MACF1: variants seen among roughly 807,000 people sequenced by gnomAD.
MACF1 encodes the protein microtubule-actin cross-linking factor 1.
Under a neutral mutation model 854.8 loss-of-function variants are expected in MACF1, and 193 were observed. That is an observed-to-expected ratio of 0.23 (90% CI 0.20 to 0.25). The LOEUF (loss-of-function observed/expected upper bound fraction) is 0.25. Among genes scored for constraint, MACF1 ranks in the 10% least tolerant of loss-of-function variants. The pLI is 1.00. For synonymous variants in MACF1, 3,185 were observed against 3,226.7 expected (o/e 0.99, Z 0.44); for missense variants, 7,722 against 8,929.1 (o/e 0.86, Z 5.45).
rs1299638965 is a variant in MACF1, at chr1:39,336,077, C to T, written c.9489C>T (p.Ser3163=). The T allele has an allele frequency of 1.1e-5, 17 of 1,613,870 alleles. No individual in the cohort carries two copies. The highest frequency in any genetic ancestry group is 1.4e-5 in the Non-Finnish European group (16 of 1,180,018). ...CTAAGGAAACCAAACATCAAATTTC[C>T]TCATCTAATGAATGTAAAGAAAAGT... The part of the protein sequence containing the change: ...SKTKETKHQI[S]SSNECKEKSY... Residue 3163 remains serine (S), a synonymous_variant, in exon 37 of 101, where the codon TCC becomes TCT. Transcript: ENST00000564288.
chr1:39,102,457 T>TTCCCCTGGGGAAAC (rs1642117713), intron 2 of MACF1, among the ~76,000 whole-genome samples: 1 of 151,442 alleles, frequency 6.6e-6, no homozygotes, highest in African/African-American at 2.4e-5. Context: ...AAGGAAGGCT[T>TTCCCCTGGGGAAAC]TCCCCTGGGG....
At position 39,388,411 on chromosome 1, in the gene MACF1, A is replaced by G; in HGVS notation, c.15569A>G (p.Glu5190Gly). The change falls in exon 58 of 101, where the codon GAG becomes GGG. Residue 5190 changes from glutamate to glycine, a missense_variant. Glu to Gly is a moderately conservative substitution (Grantham distance 98). Coordinates refer to ENST00000564288, the MANE Select transcript of MACF1 (RefSeq NM_001394062.1). ...EAECRHMLEE[E>G]GTLDLLGLKR... ...GAGTGTCGACATATGCTAGAAGAAG[A>G]GGGGACTCTGGATTTGTTAGGTCTC... 6.2e-7 allele frequency: 1 copy of G among 1,614,128 alleles called. No individual in the cohort carries two copies. The highest frequency in any genetic ancestry group is 8.5e-7 in the Non-Finnish European group (1 of 1,179,998).
At chr1:39,390,826 A>G (rs1642001856) in intron 58 of MACF1, among the ~76,000 whole-genome samples, 1 of 152,146 alleles carries the variant, frequency 6.6e-6, no homozygotes, top group African/African-American at 2.4e-5. Flanking sequence ...TTGTTTTATC[A>G]GCCGGGTGCG....
intron 2 of MACF1, among the ~76,000 whole-genome samples, chr1:39,121,706 C>T (rs1642719173): frequency 6.6e-6 from 1 of 152,120 alleles, no homozygotes; most frequent in African/African-American, 2.4e-5. Context: ...TCTTGGCCTC[C>T]CAAAGTGCTA....
intron 2 of MACF1, among the ~76,000 whole-genome samples, chr1:39,148,896 G>T (rs1440702787): frequency 6.6e-6 from 1 of 152,138 alleles, no homozygotes; most frequent in Non-Finnish European, 1.5e-5. Context: ...CATGTGGTTG[G>T]GTTTTACATT....
intron 58 of MACF1, among the ~76,000 whole-genome samples, chr1:39,406,783 C>G (rs1642731780): frequency 6.9e-6 from 1 of 144,304 alleles, no homozygotes; most frequent in Admixed American, 6.9e-5. Flanking sequence ...GAATAACCAC[C>G]CATGTTTCAT....
intron 6 of MACF1, among the ~76,000 whole-genome samples, chr1:39,281,042 G>A (rs540019873): frequency 1.3e-5 from 2 of 152,174 alleles, no homozygotes; most frequent in South Asian, 2.1e-4. Flanking sequence ...GTGTAATCTC[G>A]CTGATTATCA....
chr1:39,445,983 G>A (rs1420121386), intron 80 of MACF1, among the ~76,000 whole-genome samples: 1 of 152,150 alleles, frequency 6.6e-6, no homozygotes, highest in Non-Finnish European at 1.5e-5. Context: ...ACAATCCTTG[G>A]ACAGGCTGTC....
chr1:39,412,240 GAACT>G, intron 58 of MACF1: 1 of 1,613,964 alleles, frequency 6.2e-7, no homozygotes, highest in Non-Finnish European at 8.5e-7. Flanking sequence ...TTTTAATCAT[GAACT>G]AACAGATGTT....
At chr1:39,126,107 C>T (rs4660443) in intron 2 of MACF1, among the ~76,000 whole-genome samples, 24,851 of 152,148 alleles carry the variant, frequency 0.16, 2,535 homozygotes, top group Middle Eastern at 0.22. Flanking sequence ...ATAACAATAA[C>T]GAAGTACCAC....
At chr1:39,160,185 T>C (rs554152945) in intron 2 of MACF1, among the ~76,000 whole-genome samples, 1 of 152,198 alleles carries the variant, frequency 6.6e-6, no homozygotes, top group East Asian at 1.9e-4. Context: ...GGCATGGTGA[T>C]ATGCACCTGT....
chr1:39,185,384 G>A (rs1229377360), intron 2 of MACF1, among the ~76,000 whole-genome samples: 3 of 152,066 alleles, frequency 2.0e-5, no homozygotes, highest in Non-Finnish European at 2.9e-5. Flanking sequence ...CTAGCTACTC[G>A]GGAGGCTAAG....
rs771247259 is a variant in MACF1 at position 39,297,629 on chromosome 1, G to A, written c.2365G>A (p.Asp789Asn). The A allele has an allele frequency of 1.2e-6, 2 of 1,614,176 alleles. No individual in the cohort carries two copies. Among genetic ancestry groups the A allele is most frequent in the Non-Finnish European group, 1.7e-6 (2 of 1,180,024 alleles). The part of the protein sequence containing the change: ...ENTAYFQFFS[D>N]ARELESFLRN... Reference sequence around the variant, plus strand: ...CTTTGTATTCCCATAGTTCTTCAGTGATGCACGAGAGCTGGAGTCATTCTT... The same window carrying A: ...CTTTGTATTCCCATAGTTCTTCAGTAATGCACGAGAGCTGGAGTCATTCTT... Residue 789 changes from aspartate to asparagine, a missense_variant, in exon 21 of 101, where the codon GAT becomes AAT. Asp to Asn is a conservative substitution (Grantham distance 23). Around this residue, in one of 15 missense-constraint regions of MACF1, gnomAD observed 1,137 missense variants for 1,263.0 expected, o/e 0.90. Coordinates refer to ENST00000564288, the MANE Select transcript of MACF1 (RefSeq NM_001394062.1).
At chr1:39,421,015 G>A (rs1480213952) in intron 58 of MACF1, among the ~76,000 whole-genome samples, 2 of 151,894 alleles carry the variant, frequency 1.3e-5, no homozygotes, top group Non-Finnish European at 2.9e-5. Context: ...ACAGGTGCCC[G>A]CCACCATGCC....
intron 19 of MACF1, among the ~76,000 whole-genome samples, 189 bp downstream of exon 19, chr1:39,295,339 C>T (rs1645877421): frequency 1.3e-5 from 2 of 152,162 alleles, no homozygotes; most frequent in African/African-American, 4.8e-5. Context: ...TTTTGTTAGT[C>T]TAAGGAAACT....
intron 2 of MACF1, among the ~76,000 whole-genome samples, chr1:39,118,454 T>C (rs1642601224): frequency 2.0e-5 from 3 of 152,270 alleles, no homozygotes; most frequent in African/African-American, 7.2e-5. Context: ...CTTGTTCTTA[T>C]TGTTAATAAG....
intron 97 of MACF1, among the ~76,000 whole-genome samples, chr1:39,477,792 T>C (rs1644937613): frequency 6.6e-6 from 1 of 152,084 alleles, no homozygotes; most frequent in Admixed American, 6.6e-5. Flanking sequence ...AGTGTCTCTG[T>C]AACATAGGGA....
intron 97 of MACF1, among the ~76,000 whole-genome samples, chr1:39,473,705 A>ACT (rs10646165): frequency 0.94 from 143,700 of 152,108 alleles, 67,940 homozygotes; most frequent in East Asian, 1. Flanking sequence ...CTGTTGAGAG[A>ACT]CTTGTTTTCA....
chr1:39,168,043 G>A (rs1010392462), intron 2 of MACF1, among the ~76,000 whole-genome samples: 2 of 152,204 alleles, frequency 1.3e-5, no homozygotes, highest in Admixed American at 1.3e-4. Flanking sequence ...GTCAGGTGAT[G>A]CACTTCAGCA....
Sources: gnomAD v4.1 joint callset for allele counts (sites outside exome capture counted in the v4.1 genomes callset) on GRCh38, gnomAD v4.1.1 for gene constraint, gnomAD v4.1.1 regional missense constraint, MANE v1.5 for transcripts, NCBI Gene and HGNC (gene_info 2026-07-23, HGNC 2026-07-21) for gene names.